Variants in ATXN2 observed in about 807,000 individuals in gnomAD.
ATXN2 encodes the protein ataxin 2.
Under a neutral mutation model 138.6 loss-of-function variants are expected in ATXN2, and 37 were observed. That is an observed-to-expected ratio of 0.27 (90% confidence interval 0.21 to 0.35). The LOEUF is 0.35. Among genes scored for constraint, ATXN2 ranks in the 10% least tolerant of loss-of-function variants. ATXN2 has a pLI of 1.00. For synonymous variants in ATXN2, 549 were observed against 543.7 expected, an observed-to-expected ratio of 1.01 and a Z score of -0.13; for missense variants, 1,216 against 1,480.3, an observed-to-expected ratio of 0.82 and a Z score of 2.93.
At chr12:111,459,226 C>G (rs375333992) in intron 21 of ATXN2, among the ~76,000 whole-genome samples, 30 of 152,282 alleles carry the variant, frequency 2.0e-4, no homozygotes, top group African/African-American at 5.3e-4. Flanking sequence ...AACGATGAAG[C>G]CTTCCTGAGC....
chr12:111,533,767 T>A (rs1171968926), intron 5 of ATXN2, among the ~76,000 whole-genome samples: 1 of 152,188 alleles, frequency 6.6e-6, no homozygotes, highest in Non-Finnish European at 1.5e-5. Flanking sequence ...CCTCAGGTGA[T>A]CCATCTGCCT....
intron 8 of ATXN2, among the ~76,000 whole-genome samples, chr12:111,519,673 C>T (rs1020317900): frequency 2.0e-5 from 3 of 152,116 alleles, no homozygotes; most frequent in Non-Finnish European, 4.4e-5. Flanking sequence ...CGTGATATAC[C>T]AACACTTGGC....
At chr12:111,513,267 C>T in intron 11 of ATXN2, 90 bp downstream of exon 11, 1 of 1,431,052 alleles carries the variant, frequency 7.0e-7, no homozygotes, top group Non-Finnish European at 9.5e-7. Context: ...TACATACTTA[C>T]ACTTCCTCAA....
At chr12:111,520,823 T>C (rs1262646900) in intron 7 of ATXN2, 59 bp downstream of exon 7, 1 of 950,666 alleles carries the variant, frequency 1.1e-6, no homozygotes, top group Non-Finnish European at 1.6e-6. Context: ...CATCATAAAT[T>C]AAGCTGATGA....
chr12:111,455,474 A>C, intron 23 of ATXN2: 1 of 307,064 alleles, frequency 3.3e-6, no homozygotes, highest in South Asian at 3.6e-5. Context: ...TCCAGCTTCT[A>C]GTTACACTGC....
At chr12:111,521,153 T>C (rs1880138153) in intron 6 of ATXN2, among the ~76,000 whole-genome samples, 180 bp from the exon 7 acceptor site, 1 of 152,200 alleles carries the variant, frequency 6.6e-6, no homozygotes, top group African/African-American at 2.4e-5. Context: ...GCCCCTCCAG[T>C]TGATAAGTAA....
At chr12:111,561,151 C>A (rs1467573256) in intron 1 of ATXN2, among the ~76,000 whole-genome samples, 1 of 151,360 alleles carries the variant, frequency 6.6e-6, no homozygotes, top group Non-Finnish European at 1.5e-5. Context: ...TGCCACTGCA[C>A]TCCAGCCTGG....
At chr12:111,535,066 C>G (rs992373457) in intron 5 of ATXN2, among the ~76,000 whole-genome samples, 3 of 152,152 alleles carry the variant, frequency 2.0e-5, no homozygotes, top group African/African-American at 7.2e-5. Flanking sequence ...GCCCAGGAAG[C>G]AGTAAGCCAT....
intron 17 of ATXN2, 61 bp from the exon 18 acceptor site, chr12:111,485,392 T>C: frequency 6.9e-7 from 1 of 1,458,188 alleles, no homozygotes; most frequent in Non-Finnish European, 9.5e-7. Context: ...AGGTATTCTG[T>C]CACTCTTAGT....
chr12:111,488,547 T>C lies in ATXN2; in HGVS notation c.2169A>G (p.Gln723=), dbSNP rs764597240. The change falls in exon 15 of 25, where the codon CAA becomes CAG. Residue 723 remains glutamine (Q), a synonymous_variant. Transcript: ENST00000673436. ...ATGCTGGGCTGGAAGTCTGAACCCC[T>C]TGGGAAGTGACCTCAGGTCCCCTCT... is the stretch of plus-strand genomic sequence containing the variant. ...EHKRGPEVTS[Q]GVQTSSPACK... 5 of 1,614,178 alleles carry C rather than the reference T, an allele frequency of 3.1e-6. No homozygotes were observed. Among genetic ancestry groups the C allele is most frequent in the Middle Eastern group, 1.6e-4 (1 of 6,062 alleles).
chr12:111,508,977 C>T (rs1359649168), intron 14 of ATXN2, among the ~76,000 whole-genome samples: 1 of 152,050 alleles, frequency 6.6e-6, no homozygotes. Context: ...TTTAGATTTT[C>T]CTTTCTAAGA....
Position 111,552,843 on chromosome 12 carries a change from T to C in ATXN2, c.420+63A>G. ...ATTCAAAGTGGCTTTAAAAACTAGG[T>C]AAAACACTGACTATGAAAATGTTCT... On this transcript the variant is annotated intron_variant, in intron 4 of 24. Coordinates refer to ENST00000673436, the MANE Select transcript of ATXN2 (RefSeq NM_001372574.1). This position sits in a 1 kb window ranked among gnomAD's most constrained non-coding sequence, Gnocchi z 4.1. The C allele has an allele frequency of 8.7e-7, 1 of 1,153,900 alleles. No individual in the cohort carries two copies. Among genetic ancestry groups the C allele is most frequent in the Non-Finnish European group, 1.2e-6 (1 of 818,130 alleles). The allele number at this position is 1,153,900 out of a possible 1,614,324, so 71.5% of individuals were successfully genotyped here.
At chr12:111,510,199 T>C (rs372051690) in intron 12 of ATXN2, among the ~76,000 whole-genome samples, 186 bp downstream of exon 12, 1 of 152,218 alleles carries the variant, frequency 6.6e-6, no homozygotes, top group South Asian at 2.1e-4. Flanking sequence ...TGTTAACCTT[T>C]GTAACACAGA....
At chr12:111,493,349 G>A (rs936747199) in intron 14 of ATXN2, among the ~76,000 whole-genome samples, 5 of 143,644 alleles carry the variant, frequency 3.5e-5, no homozygotes, top group African/African-American at 1.3e-4. Context: ...GAACCTGGGA[G>A]TTGGAGGTTG....
intron 1 of ATXN2, among the ~76,000 whole-genome samples, chr12:111,587,476 A>G (rs1282807180): frequency 6.6e-6 from 1 of 152,162 alleles, no homozygotes; most frequent in Non-Finnish European, 1.5e-5. Flanking sequence ...CCTGGGCAAC[A>G]TGGCTAAACC....
rs754354287 is a variant in ATXN2, at chr12:111,509,964, G to C, written c.1791C>G (p.Asn597Lys). 1.2e-6 allele frequency: 2 copies of C among 1,611,780 alleles called. No individual in the cohort carries two copies. The highest frequency in any genetic ancestry group is 4.5e-5 in the East Asian group (2 of 44,732). The change falls in exon 13 of 25, where the codon AAC becomes AAG. Residue 597 changes from asparagine (N) to lysine (K), a missense_variant. Coordinates refer to ENST00000673436, the MANE Select transcript of ATXN2 (RefSeq NM_001372574.1). ...TATTTTCTTTATTCCCTGCAGGAGAGTTCTGCCTCTGATCTTGAAGCCTGG... is the reference window on the plus strand; with the variant it reads ...TATTTTCTTTATTCCCTGCAGGAGACTTCTGCCTCTGATCTTGAAGCCTGG... Reference protein sequence around the residue: ...KDSRLQDQRQNSPAGNKENIK... With the variant: ...KDSRLQDQRQKSPAGNKENIK...
chr12:111,599,603 G>A (rs996825851), upstream of ATXN2: 2 of 1,088,588 alleles, frequency 1.8e-6, no homozygotes, highest in Non-Finnish European at 2.2e-6. Context: ...GACGGAAGCA[G>A]AACGTGAGGT....
At chr12:111,494,863 A>G (rs1305508349) in intron 14 of ATXN2, among the ~76,000 whole-genome samples, 10 of 152,212 alleles carry the variant, frequency 6.6e-5, no homozygotes, top group Admixed American at 6.5e-4. Flanking sequence ...GAGGAAGTAA[A>G]AAAGAAGGGG....
chr12:111,502,177 C>A (rs1878818310), intron 14 of ATXN2, among the ~76,000 whole-genome samples: 1 of 152,072 alleles, frequency 6.6e-6, no homozygotes, highest in South Asian at 2.1e-4. Flanking sequence ...CAGGCATGAG[C>A]CACTGTACCT....
Sources: gnomAD v4.1 joint callset for allele counts (sites outside exome capture counted in the v4.1 genomes callset) on GRCh38, gnomAD v4.1.1 for gene constraint, Gnocchi (gnomAD v3.1) non-coding constraint, MANE v1.5 for transcripts, NCBI Gene and HGNC (gene_info 2026-07-23, HGNC 2026-07-21) for gene names.